TMEFF2: variants seen among roughly 807,000 people sequenced by gnomAD.
TMEFF2 encodes tomoregulin-2.
Under a neutral mutation model 53.8 loss-of-function variants are expected in TMEFF2, and 28 were observed. The observed-to-expected ratio is 0.52, with a 90% confidence interval of 0.39 to 0.71. The LOEUF is 0.71. Among genes scored for constraint, TMEFF2 ranks in the 30% least tolerant of loss-of-function variants. The pLI, the probability that TMEFF2 is intolerant of heterozygous loss-of-function variation, is 0.00. For synonymous variants in TMEFF2, 162 were observed against 166.3 expected, an observed-to-expected ratio of 0.97 and a Z score of 0.20; for missense variants, 353 against 455.2, an observed-to-expected ratio of 0.78 and a Z score of 2.04.
intron 4 of TMEFF2, among the ~76,000 whole-genome samples, chr2:192,143,179 A>AT (rs953714639): frequency 8.6e-5 from 13 of 151,606 alleles, no homozygotes; most frequent in Non-Finnish European, 1.5e-4. Context: ...CTACTCCTGA[A>AT]TTTTTTTTTA....
At chr2:192,064,721 G>A (rs1688128784) in intron 4 of TMEFF2, among the ~76,000 whole-genome samples, 1 of 151,756 alleles carries the variant, frequency 6.6e-6, no homozygotes, top group South Asian at 2.1e-4. Context: ...AATGTGAGTG[G>A]AATTGAGAGA....
chr2:192,034,035 C>T (rs1404907007), intron 5 of TMEFF2, among the ~76,000 whole-genome samples: 13 of 151,872 alleles, frequency 8.6e-5, no homozygotes, highest in African/African-American at 2.9e-4. Flanking sequence ...ATTAGCCGGG[C>T]GTGGTGGCAA....
chr2:192,181,915 T>C (rs1023064345), intron 3 of TMEFF2, among the ~76,000 whole-genome samples: 1 of 151,738 alleles, frequency 6.6e-6, no homozygotes, highest in Admixed American at 6.6e-5. Context: ...CTTTAATGAT[T>C]TTCCTTTATT....
At chr2:192,128,055 C>T (rs2105973504) in intron 4 of TMEFF2, among the ~76,000 whole-genome samples, 1 of 152,236 alleles carries the variant, frequency 6.6e-6, no homozygotes, top group East Asian at 1.9e-4. Context: ...TTTGCCATTG[C>T]AACTTTAGAT....
chr2:192,188,184 A>G (rs993467087), intron 2 of TMEFF2, among the ~76,000 whole-genome samples: 2 of 152,216 alleles, frequency 1.3e-5, no homozygotes, highest in Non-Finnish European at 2.9e-5. Context: ...ATTTCCTTAA[A>G]TGTAAAAAAA....
intron 4 of TMEFF2, among the ~76,000 whole-genome samples, chr2:192,167,384 A>C (rs1690794101): frequency 6.6e-6 from 1 of 152,156 alleles, no homozygotes; most frequent in Admixed American, 6.6e-5. Flanking sequence ...GCATAAACTT[A>C]GTAAATATTG....
intron 4 of TMEFF2, among the ~76,000 whole-genome samples, chr2:192,090,871 A>G (rs1688775112): frequency 6.6e-6 from 1 of 152,170 alleles, no homozygotes; most frequent in African/African-American, 2.4e-5. Flanking sequence ...ATAGGATAAG[A>G]AAGACTTCAT....
At chr2:192,162,013 C>T (rs1432236922) in intron 4 of TMEFF2, among the ~76,000 whole-genome samples, 1 of 152,130 alleles carries the variant, frequency 6.6e-6, no homozygotes, top group Non-Finnish European at 1.5e-5. Flanking sequence ...AACATAACAA[C>T]CTTGAAGAAG....
chr2:192,190,246 C>T (rs1574449688), intron 2 of TMEFF2, among the ~76,000 whole-genome samples: 1 of 151,648 alleles, frequency 6.6e-6, no homozygotes, highest in African/African-American at 2.4e-5. Flanking sequence ...AGAACCATGG[C>T]TTTACATTTC....
intron 7 of TMEFF2, among the ~76,000 whole-genome samples, chr2:191,968,073 C>T (rs1313225142): frequency 6.6e-6 from 1 of 152,144 alleles, no homozygotes; most frequent in Non-Finnish European, 1.5e-5. Flanking sequence ...TTTCAAATCT[C>T]CAGGCTTCTT....
chr2:192,004,732 T>A (rs1426781578), intron 5 of TMEFF2, among the ~76,000 whole-genome samples: 1 of 152,228 alleles, frequency 6.6e-6, no homozygotes, highest in Non-Finnish European at 1.5e-5. Context: ...TGTAAATTAA[T>A]CAAGGGTTTT....
At chr2:192,145,903 A>G (rs534221788) in intron 4 of TMEFF2, among the ~76,000 whole-genome samples, 2 of 152,160 alleles carry the variant, frequency 1.3e-5, no homozygotes, top group Non-Finnish European at 2.9e-5. Context: ...CCAGAAGATG[A>G]AGCCCTTTTG....
intron 4 of TMEFF2, among the ~76,000 whole-genome samples, chr2:192,075,750 A>G (rs1688417894): frequency 6.6e-6 from 1 of 151,950 alleles, no homozygotes; most frequent in Non-Finnish European, 1.5e-5. Context: ...TTTATTTTAA[A>G]TATTAGGAAG....
At chr2:192,023,539 T>A (rs1305770983) in intron 5 of TMEFF2, among the ~76,000 whole-genome samples, 1 of 152,210 alleles carries the variant, frequency 6.6e-6, no homozygotes. Context: ...TTTGTCCTTA[T>A]GTTCTTCAAA....
At chr2:192,049,957 C>T (rs1201801867) in intron 5 of TMEFF2, among the ~76,000 whole-genome samples, 1 of 152,144 alleles carries the variant, frequency 6.6e-6, no homozygotes, top group East Asian at 1.9e-4. Flanking sequence ...GCTGAGATAG[C>T]GCCACTGCAC....
At position 191,953,798 on chromosome 2, in the gene TMEFF2, C is replaced by CT; in HGVS notation, c.908dup (p.Asp304GlyfsTer123). ...GAACAACGTATAGAACACTGTAGTC[C>CT]TTTTTTTCACAGTGTTGTCCAGTAT... On this transcript the variant is annotated frameshift_variant, in exon 9 of 10. Transcript: ENST00000272771. LOFTEE classifies it high-confidence loss of function. The CT allele has an allele frequency of 6.2e-7, 1 of 1,612,304 alleles. No homozygotes were observed. Among genetic ancestry groups the CT allele is most frequent in the Non-Finnish European group, 8.5e-7 (1 of 1,179,062 alleles).
chr2:192,148,926 G>A (rs1418381857), intron 4 of TMEFF2, among the ~76,000 whole-genome samples: 1 of 151,916 alleles, frequency 6.6e-6, no homozygotes, highest in Non-Finnish European at 1.5e-5. Flanking sequence ...TTAAACAAAT[G>A]TATTTTTAGA....
Position 191,999,067 on chromosome 2 carries a change from T to C in TMEFF2, c.678A>G (p.Arg226=), listed in dbSNP as rs774954119. 6.2e-7 allele frequency: 1 copy of C among 1,609,156 alleles called. No individual in the cohort carries two copies. Among genetic ancestry groups the C allele is most frequent in the South Asian group, 1.1e-5 (1 of 90,278 alleles). Residue 226 remains arginine, a synonymous_variant, in exon 6 of 10, where the codon CGA becomes CGG. Transcript: ENST00000272771. ...TTTTGGTATGAACATTACCTTGACA[T>C]CGACCCAAAGACATGACTTCAATTT... The part of the protein sequence containing the change: ...QEKIEVMSLG[R]CQDNTTTTTK...
intron 5 of TMEFF2, among the ~76,000 whole-genome samples, chr2:192,020,159 T>C (rs1326913189): frequency 6.6e-6 from 1 of 152,134 alleles, no homozygotes; most frequent in Non-Finnish European, 1.5e-5. Flanking sequence ...CCTAGTATTG[T>C]TGGTTCTTCA....
Sources: allele counts gnomAD v4.1 joint callset (sites outside exome capture counted in the v4.1 genomes callset), GRCh38; gene constraint gnomAD v4.1.1; transcripts MANE v1.5; gene names NCBI Gene and HGNC (gene_info 2026-07-23, HGNC 2026-07-21).